ZFAND4: variants seen among roughly 807,000 people sequenced by gnomAD.
ZFAND4 encodes the protein zinc finger AN1-type containing 4.
ZFAND4 carries 43 observed loss-of-function variants against 64.4 expected under a neutral mutation model. The ratio of observed to expected loss-of-function variants is 0.67; its 90% CI spans 0.52 to 0.86. The LOEUF is 0.86. Among genes scored for constraint, ZFAND4 ranks in the 40% least tolerant of loss-of-function variants. ZFAND4 has a pLI of 0.00. For missense variants in ZFAND4, 929 were observed against 859.8 expected, an observed-to-expected ratio of 1.08 and a Z score of -1.01; for synonymous variants, 296 against 305.7, an observed-to-expected ratio of 0.97 and a Z score of 0.33.
In ZFAND4 at chr10:45,648,530, A is replaced by T. The variant is rs754898851; in HGVS notation, c.333T>A (p.Pro111=). Residue 111 remains proline, a synonymous_variant, in exon 5 of 10, where the codon CCT becomes CCA. Coordinates refer to ENST00000344646, the MANE Select transcript of ZFAND4 (RefSeq NM_174890.4). ...RGGPINTRRV[P]TDDPLRKMAE... ...CCATCTTCCTAAGTGGATCGTCTGT[A>T]GGAACTACAAATGGAAAATTGAAAT... 1 of 1,593,738 alleles carries T rather than the reference A, an allele frequency of 6.3e-7. No individual in the cohort carries two copies. Among genetic ancestry groups the T allele is most frequent in the East Asian group, 2.2e-5 (1 of 44,638 alleles).
At chr10:45,634,052 T>G (rs2046390278) in intron 6 of ZFAND4, among the ~76,000 whole-genome samples, 3 of 152,148 alleles carry the variant, frequency 2.0e-5, no homozygotes. Flanking sequence ...ATGGTAACTG[T>G]ATCATAATCA....
chr10:45,672,282 G>C lies in ZFAND4; in HGVS notation c.-150C>G, dbSNP rs1032470212. 6.6e-6 allele frequency: 1 copy of C among 152,334 alleles called. No homozygotes were observed. Among genetic ancestry groups the C allele is most frequent in the Non-Finnish European group, 1.5e-5 (1 of 68,128 alleles). The allele number at this position is 152,334 out of a possible 1,614,324, so 9.4% of individuals were successfully genotyped here. The stretch of plus-strand genomic sequence containing the variant: ...AGGCCACCGAGTCACCTGCGCAGCC[G>C]TTGCTCCTCCAAGACCAATCCGGGC... On this transcript the variant is annotated 5_prime_UTR_variant, in exon 1 of 10. Transcript: ENST00000344646.
At chr10:45,661,513 C>A (rs964795990) in intron 2 of ZFAND4, among the ~76,000 whole-genome samples, 2 of 152,308 alleles carry the variant, frequency 1.3e-5, no homozygotes, top group South Asian at 4.1e-4. Context: ...ATTTTCCCAG[C>A]AGGACGAACC....
rs2048535634 is a variant in ZFAND4, at chr10:45,662,356, C to T, written c.184+1186G>A. Among the ~76,000 whole-genome samples, 3 of 152,152 alleles carry T rather than the reference C, an allele frequency of 2.0e-5. No homozygotes were observed. The South Asian group carries it at 6.2e-4, about 32-fold the overall frequency. On this transcript the variant is annotated intron_variant, in intron 2 of 9. Transcript: ENST00000344646. Reference sequence around the variant, plus strand: ...GGATGAGTTATTAATCTCCTCTAAACCCAAGTTGACTCTTCTGACATAAAA... The same window carrying T: ...GGATGAGTTATTAATCTCCTCTAAATCCAAGTTGACTCTTCTGACATAAAA...
At chr10:45,619,567 G>A (rs2045260756) in intron 8 of ZFAND4, among the ~76,000 whole-genome samples, 1 of 152,174 alleles carries the variant, frequency 6.6e-6, no homozygotes, top group Admixed American at 6.5e-5. Context: ...AGTGTCAATG[G>A]TGCTGGGACC....
intron 2 of ZFAND4, chr10:45,662,717 A>C (rs549574288): frequency 1.0e-6 from 1 of 957,262 alleles, no homozygotes; most frequent in African/African-American, 1.8e-5. Context: ...GCTCATATAT[A>C]TCCTTGGCCT....
chr10:45,627,564 C>A (rs1246504483), intron 6 of ZFAND4, among the ~76,000 whole-genome samples: 1 of 152,008 alleles, frequency 6.6e-6, no homozygotes, highest in East Asian at 1.9e-4. Flanking sequence ...TGGCCTTTGG[C>A]TGGCTTTTGG....
chr10:45,655,582 T>C (rs1480292820), intron 2 of ZFAND4, among the ~76,000 whole-genome samples: 1 of 152,150 alleles, frequency 6.6e-6, no homozygotes, highest in African/African-American at 2.4e-5. Flanking sequence ...TTTGGTTCTT[T>C]GGAAATATAA....
chr10:45,669,898 T>C (rs1820428172), intron 1 of ZFAND4, among the ~76,000 whole-genome samples: 1 of 152,174 alleles, frequency 6.6e-6, no homozygotes, highest in Non-Finnish European at 1.5e-5. Flanking sequence ...ATAAGAGCTA[T>C]TTATGACAAA....
intron 6 of ZFAND4, among the ~76,000 whole-genome samples, chr10:45,636,212 G>T (rs1012589252): frequency 6.6e-6 from 1 of 152,102 alleles, no homozygotes; most frequent in African/African-American, 2.4e-5. Flanking sequence ...TGGACTTCTT[G>T]ACTATCAGTT....
At chr10:45,643,599 G>A (rs188743200) in intron 5 of ZFAND4, among the ~76,000 whole-genome samples, 2 of 150,912 alleles carry the variant, frequency 1.3e-5, no homozygotes, top group African/African-American at 4.9e-5. Context: ...GAATCTGGGA[G>A]GCAGAGGTTG....
At chr10:45,644,935 A>C (rs962422751) in intron 5 of ZFAND4, among the ~76,000 whole-genome samples, 27 of 151,750 alleles carry the variant, frequency 1.8e-4, no homozygotes, top group Non-Finnish European at 3.8e-4. Flanking sequence ...ACAGAAAAAA[A>C]CTTATTGGAC....
chr10:45,640,430 A>AG lies in ZFAND4; in HGVS notation c.570-468_570-467insC, dbSNP rs1296408351. 3 of 1,244,848 alleles carry AG rather than the reference A, an allele frequency of 2.4e-6. No homozygotes were observed. The East Asian group carries it at 1.7e-4, about 72-fold the overall frequency. The allele number at this position is 1,244,848 out of a possible 1,614,324, so 77.1% of individuals were successfully genotyped here. A position where few individuals can be genotyped will look rare whatever the true frequency, so the allele number is the denominator to read the frequency against. On this transcript the variant is annotated intron_variant, in intron 5 of 9. Coordinates refer to ENST00000344646, the MANE Select transcript of ZFAND4 (RefSeq NM_174890.4). ...TCCTGAGGAGATTCTCACTAAAAAA[A>AG]AAAAAAAAAAAAGAATTCATACACA...
intron 1 of ZFAND4, among the ~76,000 whole-genome samples, chr10:45,666,621 T>A (rs867960591): frequency 6.6e-6 from 1 of 152,250 alleles, no homozygotes; most frequent in Non-Finnish European, 1.5e-5. Context: ...TTGACTTATA[T>A]ATGTTTCTAA....
intron 5 of ZFAND4, chr10:45,640,215 A>G: frequency 8.1e-7 from 1 of 1,240,262 alleles, no homozygotes; most frequent in African/African-American, 1.6e-5. Flanking sequence ...TCAGTATATC[A>G]TAAATGAAGA....
At chr10:45,654,552 G>A (rs557420824) in intron 2 of ZFAND4, among the ~76,000 whole-genome samples, 12 of 151,820 alleles carry the variant, frequency 7.9e-5, no homozygotes, top group Non-Finnish European at 1.2e-4. Context: ...CTGGGAGGCA[G>A]AGGTTGCAGT....
chr10:45,625,993 A>G lies in ZFAND4; in HGVS notation c.1830T>C (p.Phe610=), dbSNP rs769213628. Residue 610 remains phenylalanine, a synonymous_variant, in exon 7 of 10, where the codon TTT becomes TTC. Coordinates refer to ENST00000344646, the MANE Select transcript of ZFAND4 (RefSeq NM_174890.4). ...TNLQHFQEEN[F]RKSSPQLEHT... Reference sequence around the variant, plus strand: ...GTTCTAACTGGGGAGAACTTTTCCTAAAGTTTTCTTCCTGAAAATGCTGGA... The same window carrying G: ...GTTCTAACTGGGGAGAACTTTTCCTGAAGTTTTCTTCCTGAAAATGCTGGA... 5 of 1,614,062 alleles carry G rather than the reference A, an allele frequency of 3.1e-6. No homozygotes were observed. Among genetic ancestry groups the G allele is most frequent in the African/African-American group, 1.3e-5 (1 of 74,924 alleles).
intron 8 of ZFAND4, among the ~76,000 whole-genome samples, chr10:45,620,116 T>A (rs888805940): frequency 6.6e-6 from 1 of 152,202 alleles, no homozygotes; most frequent in East Asian, 1.9e-4. Flanking sequence ...TAATTCACTG[T>A]AGTCACATTT....
chr10:45,667,616 C>T (rs952336928), intron 1 of ZFAND4, among the ~76,000 whole-genome samples: 1 of 151,922 alleles, frequency 6.6e-6, no homozygotes, highest in African/African-American at 2.4e-5. Context: ...TTACAGGCAC[C>T]TGCCACCACA....
Sources: gnomAD v4.1 joint callset for allele counts (sites outside exome capture counted in the v4.1 genomes callset) on GRCh38, gnomAD v4.1.1 for gene constraint, MANE v1.5 for transcripts, NCBI Gene and HGNC (gene_info 2026-07-23, HGNC 2026-07-21) for gene names.